Variants in NACC1 observed in about 807,000 individuals in gnomAD.
The protein encoded by NACC1 is nucleus accumbens-associated protein 1.
A neutral mutation model predicts 41.7 loss-of-function variants in NACC1; 6 were observed. The observed-to-expected ratio is 0.14, with a 90% CI of 0.08 to 0.28. The LOEUF (loss-of-function observed/expected upper bound fraction) is 0.28, where lower values mean the gene tolerates loss of function less well. Ranked by LOEUF, NACC1 falls within the 10% of genes least tolerant of loss-of-function variation. The pLI, the probability that NACC1 is intolerant of heterozygous loss-of-function variation, is 1.00. For synonymous variants in NACC1, 338 were observed against 330.6 expected (o/e 1.02, Z -0.24); for missense variants, 434 against 763.7 (o/e 0.57, Z 5.09).
chr19:13,130,067 GTTTTTTGTTTTTGCT>G (rs1330615013), intron 1 of NACC1, among the ~76,000 whole-genome samples: 1 of 151,938 alleles, frequency 6.6e-6, no homozygotes, highest in Non-Finnish European at 1.5e-5. Context: ...GGGGGATGTG[GTTTTTTGTTTTTGCT>G]TTTTTTGTTT....
intron 1 of NACC1, among the ~76,000 whole-genome samples, chr19:13,133,769 C>T (rs1280551996): frequency 1.3e-5 from 2 of 152,146 alleles, no homozygotes; most frequent in Non-Finnish European, 2.9e-5. Flanking sequence ...CAAATGTTTT[C>T]GTTTTTCCTG....
At position 13,136,877 on chromosome 19, in the gene NACC1, A is replaced by T. The variant is rs2019714840; in HGVS notation, c.1121-394A>T. On this transcript the variant is annotated intron_variant, in intron 3 of 5. Transcript: ENST00000292431. This position sits in a 1 kb window ranked among gnomAD's most constrained non-coding sequence, Gnocchi z 5.5. ...CATCTCTTAAAAAAAGAAGAAGAAG[A>T]CTGTGTTTGGTCCTTGGGTCAGAGT... 6.6e-6 allele frequency among the ~76,000 whole-genome samples: 1 copy of T among 151,814 alleles called. No homozygotes were observed. Among genetic ancestry groups the T allele is most frequent in the African/African-American group, 2.4e-5 (1 of 41,304 alleles).
Position 13,137,217 on chromosome 19 carries a change from G to A in NACC1, c.1121-54G>A. ...TCTGAGATGAGGCCTGGTATCATGG[G>A]GGCTGTGGCGGTTTGGGGGCACCCC... On this transcript the variant is annotated intron_variant, in intron 3 of 5. Coordinates refer to ENST00000292431, the MANE Select transcript of NACC1 (RefSeq NM_052876.4). The surrounding 1 kb of genome is among the most constrained non-coding windows in gnomAD (Gnocchi z 6.1). 6.5e-7 allele frequency: 1 copy of A among 1,550,038 alleles called. No individual in the cohort carries two copies. The highest frequency in any genetic ancestry group is 8.9e-7 in the Non-Finnish European group (1 of 1,124,252).
At chr19:13,128,740 G>A (rs146225576) in intron 1 of NACC1, among the ~76,000 whole-genome samples, 1 of 152,360 alleles carries the variant, frequency 6.6e-6, no homozygotes, top group African/African-American at 2.4e-5. Context: ...CAGAGGCAGG[G>A]CTACTTTGTC....
At chr19:13,131,109 G>A (rs2019629345) in intron 1 of NACC1, among the ~76,000 whole-genome samples, 2 of 152,124 alleles carry the variant, frequency 1.3e-5, no homozygotes, top group South Asian at 2.1e-4. Flanking sequence ...CACCCCAACT[G>A]TAATTAAATC....
At chr19:13,130,535 CTT>C (rs34032574) in intron 1 of NACC1, among the ~76,000 whole-genome samples, 18 of 128,586 alleles carry the variant, frequency 1.4e-4, no homozygotes, top group Admixed American at 2.4e-4. Flanking sequence ...TTTTTCTTTT[CTT>C]TTTTTTTTTT....
intron 1 of NACC1, among the ~76,000 whole-genome samples, chr19:13,127,853 C>T (rs8103456): frequency 6.6e-6 from 1 of 151,982 alleles, no homozygotes; most frequent in Non-Finnish European, 1.5e-5. Context: ...TCTCCAAAAG[C>T]AAAAGAGTAG....
At position 13,135,537 on chromosome 19, in the gene NACC1, G is replaced by A; in HGVS notation, c.330G>A (p.Gln110=). 6.2e-7 allele frequency: 1 copy of A among 1,612,726 alleles called. No homozygotes were observed. The highest frequency in any genetic ancestry group is 1.7e-5 in the Admixed American group (1 of 59,936). The change falls in exon 2 of 6, where the codon CAG becomes CAA. Residue 110 remains glutamine (Q), a synonymous_variant. Transcript: ENST00000292431. ...ACACGGCTGGCTTCCTGCAGATCCAGGAGATCATGGAGAAGGGCACCGAGT... is the reference window on the plus strand; with the variant it reads ...ACACGGCTGGCTTCCTGCAGATCCAAGAGATCATGGAGAAGGGCACCGAGT... The part of the protein sequence containing the change: ...LMYTAGFLQI[Q]EIMEKGTEFF...
chr19:13,121,044 G>A (rs2019484431), intron 1 of NACC1, among the ~76,000 whole-genome samples: 1 of 152,192 alleles, frequency 6.6e-6, no homozygotes, highest in Non-Finnish European at 1.5e-5. Context: ...ACAAGCAAAG[G>A]ATCAAGATAA....
chr19:13,126,537 C>T (rs944141743), intron 1 of NACC1, among the ~76,000 whole-genome samples: 3 of 152,280 alleles, frequency 2.0e-5, no homozygotes, highest in Non-Finnish European at 2.9e-5. Flanking sequence ...TTCCTCAGCT[C>T]TCTTCCCTAA....
In NACC1 at chr19:13,136,643, T is replaced by C. The variant is rs1026610259; in HGVS notation, c.1120+238T>C. On this transcript the variant is annotated intron_variant, in intron 3 of 5. Transcript: ENST00000292431. This position sits in a 1 kb window ranked among gnomAD's most constrained non-coding sequence, Gnocchi z 5.5. ...GGGGCGAGCATTGGCTATTATTGTT[T>C]GGCCGCATGGGTAGATTAGCTACTT... Among the ~76,000 whole-genome samples the C allele has an allele frequency of 1.3e-5, 2 of 152,192 alleles. No individual in the cohort carries two copies. Among genetic ancestry groups the C allele is most frequent in the African/African-American group, 4.8e-5 (2 of 41,458 alleles).
At chr19:13,118,260 C>T (rs2019423154), upstream of NACC1, 1 of 149,432 alleles carries the variant, frequency 6.7e-6, no homozygotes, top group Admixed American at 6.6e-5. Flanking sequence ...TGCGCTCGCT[C>T]GGCGCTCGGC....
rs531923753 is a variant in NACC1, at chr19:13,141,038, A to G, written c.*2632A>G. ...GCCCCCACCCCTCCCTGGGCCCCCAAGTGAGATTGCACATTTAACTACTGT... is the reference window on the plus strand; with the variant it reads ...GCCCCCACCCCTCCCTGGGCCCCCAGGTGAGATTGCACATTTAACTACTGT... On this transcript the variant is annotated 3_prime_UTR_variant, in exon 6 of 6. Coordinates refer to ENST00000292431, the MANE Select transcript of NACC1 (RefSeq NM_052876.4). The G allele has an allele frequency of 6.5e-6, 1 of 152,684 alleles. No homozygotes were observed. The highest frequency in any genetic ancestry group is 2.1e-4 in the South Asian group (1 of 4,828). The allele number at this position is 152,684 out of a possible 1,614,324, so 9.5% of individuals were successfully genotyped here.
At chr19:13,128,140 T>C (rs950834507) in intron 1 of NACC1, among the ~76,000 whole-genome samples, 2 of 151,888 alleles carry the variant, frequency 1.3e-5, no homozygotes, top group Non-Finnish European at 2.9e-5. Context: ...AATTGTTGAG[T>C]GGAGGTGTCT....
At chr19:13,124,561 AC>A (rs2019539375) in intron 1 of NACC1, among the ~76,000 whole-genome samples, 1 of 151,918 alleles carries the variant, frequency 6.6e-6, no homozygotes, top group Non-Finnish European at 1.5e-5. Flanking sequence ...TTCTTCACTA[AC>A]TGTTTTCCTG....
chr19:13,133,425 C>T (rs939777045), intron 1 of NACC1, among the ~76,000 whole-genome samples: 4 of 152,260 alleles, frequency 2.6e-5, no homozygotes, highest in Middle Eastern at 3.4e-3. Flanking sequence ...TCACCACACC[C>T]CCATTCTCCC....
chr19:13,125,604 G>A (rs895913168), intron 1 of NACC1, among the ~76,000 whole-genome samples: 2 of 151,874 alleles, frequency 1.3e-5, no homozygotes. Context: ...ATTTTTAGTA[G>A]AGACGGGGTT....
At position 13,137,380 on chromosome 19, in the gene NACC1, A is replaced by T; in HGVS notation, c.1226+4A>T. On this transcript the variant is annotated splice_donor_region_variant and intron_variant, in intron 4 of 5. Transcript: ENST00000292431. The surrounding 1 kb of genome is among the most constrained non-coding windows in gnomAD (Gnocchi z 6.1). ...TCCTGGCCTCCTTCTTTGACCGGTA[A>T]GGCCCTTGCCAGAGCCCCAGGGAGG... The T allele has an allele frequency of 7.0e-7, 1 of 1,425,398 alleles. No homozygotes were observed. 88.3% of individuals were successfully genotyped at this position (1,425,398 alleles called of 1,614,324 possible).
intron 1 of NACC1, among the ~76,000 whole-genome samples, chr19:13,120,870 T>G (rs1315991930): frequency 6.6e-6 from 1 of 152,176 alleles, no homozygotes; most frequent in African/African-American, 2.4e-5. Flanking sequence ...TGCTTTTCGG[T>G]GAGAACTTAG....
Sources: gnomAD v4.1 joint callset for allele counts (sites outside exome capture counted in the v4.1 genomes callset) on GRCh38, gnomAD v4.1.1 for gene constraint, Gnocchi (gnomAD v3.1) non-coding constraint, MANE v1.5 for transcripts, NCBI Gene and HGNC (gene_info 2026-07-23, HGNC 2026-07-21) for gene names.